NF1: variants seen among roughly 807,000 people sequenced by gnomAD.
NF1 encodes the protein neurofibromin.
In NF1, 122 loss-of-function variants were observed where a neutral mutation model predicts 325.7. The ratio of observed to expected loss-of-function variants is 0.37; its 90% CI spans 0.32 to 0.44. The LOEUF is 0.44. Ranked by LOEUF, NF1 falls within the 20% of genes least tolerant of loss-of-function variation. NF1 has a pLI of 1.00. For synonymous variants in NF1, 1,091 were observed against 1,186.0 expected (o/e 0.92, Z 1.65); for missense variants, 2,140 against 3,415.4 (o/e 0.63, Z 9.31).
At chr17:31,322,375 GA>G (rs1169671247) in intron 36 of NF1, among the ~76,000 whole-genome samples, 1 of 151,814 alleles carries the variant, frequency 6.6e-6, no homozygotes, top group East Asian at 1.9e-4. Flanking sequence ...ACCTACTTGG[GA>G]GGCTGAGACA....
Position 31,095,109 on chromosome 17 carries a change from C to T in NF1, c.-201C>T, listed in dbSNP as rs1464823378. On this transcript the variant is annotated 5_prime_UTR_variant, in exon 1 of 58. Transcript: ENST00000358273. ...CCCCTATCCCCCTCCCCCCAGCCTC[C>T]TTGCCAACGCCCCCTTTCCCTCTCC... The T allele has an allele frequency of 7.3e-6, 3 of 409,490 alleles. No individual in the cohort carries two copies. The highest frequency in any genetic ancestry group is 6.4e-5 in the African/African-American group (3 of 46,594). 25.4% of individuals were successfully genotyped at this position (409,490 alleles called of 1,614,324 possible).
At position 31,350,229 on chromosome 17, in the gene NF1, A is replaced by C. The variant is rs201287021; in HGVS notation, c.7368A>C (p.Lys2456Asn). 6.2e-7 allele frequency: 1 copy of C among 1,613,958 alleles called. No individual in the cohort carries two copies. ...AAGTTCGAAGTCGCTGCAGCCTAAA[A>C]CATAGAAAGTCACTTCTTCTTACTG... ...SEEVRSRCSL[K>N]HRKSLLLTDI... The change falls in exon 50 of 58, where the codon AAA (lysine) becomes AAC (asparagine). Residue 2456 changes from lysine to asparagine, a missense_variant. Physicochemically the swap from Lys to Asn is moderately conservative, Grantham distance 94. Transcript: ENST00000358273.
chr17:31,262,166 A>G (rs1355068674), intron 35 of NF1, among the ~76,000 whole-genome samples: 2 of 152,200 alleles, frequency 1.3e-5, no homozygotes, highest in Non-Finnish European at 2.9e-5. Flanking sequence ...GGAAAATGCA[A>G]CTCAATGTGA....
At chr17:31,290,062 C>G (rs1245081693) in intron 36 of NF1, among the ~76,000 whole-genome samples, 1 of 151,964 alleles carries the variant, frequency 6.6e-6, no homozygotes, top group Non-Finnish European at 1.5e-5. Flanking sequence ...CCCATTTATT[C>G]ATTGAGAATT....
chr17:31,156,170 T>C, intron 2 of NF1, 44 bp downstream of exon 2: 2 of 1,607,130 alleles, frequency 1.2e-6, no homozygotes, highest in Non-Finnish European at 1.7e-6. Flanking sequence ...TGCTTTCTTT[T>C]CTTTTTGATT....
intron 11 of NF1, among the ~76,000 whole-genome samples, chr17:31,203,888 C>T (rs1183646879): frequency 6.6e-6 from 1 of 152,024 alleles, no homozygotes; most frequent in African/African-American, 2.4e-5. Context: ...GAAACATACT[C>T]ATACTCAGTT....
rs878853921 is a variant in NF1, at chr17:31,182,625, A to T, written c.848A>T (p.Asp283Val). 3.1e-6 allele frequency: 5 copies of T among 1,613,822 alleles called. No homozygotes were observed. Among genetic ancestry groups the T allele is most frequent in the East Asian group, 4.5e-5 (2 of 44,874 alleles). Residue 283 changes from aspartate (D) to valine (V), a missense_variant, in exon 8 of 58, where the codon GAT (aspartate) becomes GTT (valine). Physicochemically the swap from Asp to Val is radical, Grantham distance 152. Transcript: ENST00000358273. ...LLILCPEIIQDISKDVVDENN... is the reference protein window; with the variant it reads ...LLILCPEIIQVISKDVVDENN... ...ATCTTGTGTCCAGAAATAATCCAGG[A>T]TATATCCAAAGACGTGGTTGATGAA...
At chr17:31,210,742 G>A (rs1162190707) in intron 12 of NF1, among the ~76,000 whole-genome samples, 1 of 152,088 alleles carries the variant, frequency 6.6e-6, no homozygotes, top group African/African-American at 2.4e-5. Context: ...ATTGATAAAA[G>A]CTATTAAACT....
At position 31,235,683 on chromosome 17, in the gene NF1, T is replaced by C; in HGVS notation, c.3781T>C (p.Phe1261Leu). 1 of 1,614,114 alleles carries C rather than the reference T, an allele frequency of 6.2e-7. No homozygotes were observed. The highest frequency in any genetic ancestry group is 8.5e-7 in the Non-Finnish European group (1 of 1,180,010). Residue 1261 changes from phenylalanine (F) to leucine (L), a missense_variant, in exon 28 of 58, where the codon TTT (phenylalanine) becomes CTT (leucine). By Grantham distance (22) the Phe-to-Leu change is conservative. Transcript: ENST00000358273. ...ACTCTACCAACTGCTCTGGAACATG[T>C]TTTCTAAAGAAGTAGAATTGGCAGA... is the stretch of plus-strand genomic sequence containing the variant. ...HLLYQLLWNMFSKEVELADSM... is the reference protein window; with the variant it reads ...HLLYQLLWNMLSKEVELADSM...
intron 1 of NF1, among the ~76,000 whole-genome samples, chr17:31,144,441 G>A (rs1916450461): frequency 6.6e-6 from 1 of 152,164 alleles, no homozygotes; most frequent in African/African-American, 2.4e-5. Context: ...CTACTCCAAA[G>A]CCTTGTAGCC....
intron 34 of NF1, 61 bp downstream of exon 34, chr17:31,260,576 T>C: frequency 6.4e-7 from 1 of 1,573,558 alleles, no homozygotes; most frequent in Non-Finnish European, 8.7e-7. Flanking sequence ...ATTAATACAA[T>C]TATTGGTCAT....
intron 4 of NF1, 59 bp from the exon 5 acceptor site, chr17:31,169,832 T>TAG: frequency 6.6e-6 from 8 of 1,219,918 alleles, no homozygotes; most frequent in Non-Finnish European, 9.7e-6. Context: ...AGGTGTGAGA[T>TAG]ACCACACCTG....
At chr17:31,190,091 A>C (rs1487939464) in intron 8 of NF1, among the ~76,000 whole-genome samples, 4 of 140,012 alleles carry the variant, frequency 2.9e-5, no homozygotes, top group African/African-American at 8.5e-5. Flanking sequence ...ATGTATTACA[A>C]AAAAAAAAAA....
chr17:31,229,716 G>C (rs2067079924), intron 21 of NF1, 119 bp from the exon 22 acceptor site: 1 of 1,269,444 alleles, frequency 7.9e-7, no homozygotes, highest in Non-Finnish European at 1.1e-6. Context: ...ATGCTTATTT[G>C]GCTCTATGCC....
chr17:31,213,008 A>G (rs915935945), intron 12 of NF1, among the ~76,000 whole-genome samples: 7 of 152,220 alleles, frequency 4.6e-5, no homozygotes, highest in African/African-American at 1.7e-4. Flanking sequence ...TTAAGGAAAA[A>G]TTCTGATACC....
chr17:31,274,305 A>T (rs1430382929), intron 36 of NF1, among the ~76,000 whole-genome samples: 1 of 152,172 alleles, frequency 6.6e-6, no homozygotes, highest in African/African-American at 2.4e-5. Flanking sequence ...GATAACTAGC[A>T]TATAGGGAAA....
chr17:31,101,667 G>T (rs1450811980), intron 1 of NF1, among the ~76,000 whole-genome samples: 1 of 151,386 alleles, frequency 6.6e-6, no homozygotes, highest in Non-Finnish European at 1.5e-5. Context: ...TTCCTCCTTT[G>T]TGCTTTTCTA....
intron 36 of NF1, among the ~76,000 whole-genome samples, chr17:31,276,232 A>G (rs113127168): frequency 0.021 from 2,805 of 133,886 alleles, 90 homozygotes; most frequent in African/African-American, 0.066. Flanking sequence ...AAAAAAAAAA[A>G]GGGGCACAAT....
chr17:31,374,236 C>G lies in NF1; in HGVS notation c.*81C>G, dbSNP rs1194025183. The G allele has an allele frequency of 1.9e-6, 3 of 1,579,402 alleles. No homozygotes were observed. The highest frequency in any genetic ancestry group is 2.6e-6 in the Non-Finnish European group (3 of 1,150,638). ...CCCTTCCCTGTCCTTGCCCTTTCCC[C>G]CCATGTTGTAATGCTGCACTTCCTG... On this transcript the variant is annotated 3_prime_UTR_variant, in exon 58 of 58. Coordinates refer to ENST00000358273, the MANE Select transcript of NF1 (RefSeq NM_001042492.3).
Sources: gnomAD v4.1 joint callset for allele counts (sites outside exome capture counted in the v4.1 genomes callset) on GRCh38, gnomAD v4.1.1 for gene constraint, MANE v1.5 for transcripts, NCBI Gene and HGNC (gene_info 2026-07-23, HGNC 2026-07-21) for gene names.